MAP3K20: variants seen among roughly 807,000 people sequenced by gnomAD.
The protein encoded by MAP3K20 is mitogen-activated protein kinase kinase kinase 20, also known as HCCS-4.
In MAP3K20, 40 loss-of-function variants were observed where a neutral mutation model predicts 85.7. The ratio of observed to expected loss-of-function variants is 0.47; its 90% CI spans 0.36 to 0.61. The LOEUF (loss-of-function observed/expected upper bound fraction) is 0.61, where lower values mean the gene tolerates loss of function less well. Among genes scored for constraint, MAP3K20 ranks in the 20% least tolerant of loss-of-function variants. The pLI is 0.00. For synonymous variants in MAP3K20, 325 were observed against 327.7 expected (o/e 0.99, Z 0.09); for missense variants, 817 against 961.7 (o/e 0.85, Z 1.99).
chr2:173,262,016 T>C (rs1672922579), intron 18 of MAP3K20, among the ~76,000 whole-genome samples: 2 of 136,192 alleles, frequency 1.5e-5, no homozygotes, highest in South Asian at 2.5e-4. Context: ...GACCCCTGTC[T>C]CCAGAAAAAA....
rs142542844 is a variant in MAP3K20 at position 173,134,931 on chromosome 2, G to A, written c.160-34874G>A. ...ATGTTGAAATCCCTAGCTCAGCCAC[G>A]TGACTAGCTTAGTCCTCAGGCAAGT... is the stretch of plus-strand genomic sequence containing the variant. On this transcript the variant is annotated intron_variant, in intron 2 of 19. Transcript: ENST00000375213. 1.4e-3 allele frequency among the ~76,000 whole-genome samples: 219 copies of A among 152,276 alleles called. 1 individual carries two copies. The highest frequency in any genetic ancestry group is 4.5e-3 in the African/African-American group (188 of 41,572).
chr2:173,190,418 G>A (rs531210409), intron 5 of MAP3K20, among the ~76,000 whole-genome samples: 6 of 152,266 alleles, frequency 3.9e-5, no homozygotes, highest in East Asian at 3.9e-4. Flanking sequence ...TATACATGGC[G>A]TTACCCACAG....
At chr2:173,192,248 T>A (rs1415424604) in intron 7 of MAP3K20, among the ~76,000 whole-genome samples, 1 of 152,196 alleles carries the variant, frequency 6.6e-6, no homozygotes, top group Non-Finnish European at 1.5e-5. Context: ...AAGAGGAGAT[T>A]CACGTTGTCA....
intron 2 of MAP3K20, among the ~76,000 whole-genome samples, chr2:173,127,951 A>G (rs1688491164): frequency 6.6e-6 from 1 of 152,200 alleles, no homozygotes; most frequent in Non-Finnish European, 1.5e-5. Context: ...CCAAAGTCAT[A>G]TAGTTAGTAA....
chr2:173,180,250 C>A (rs894575450), intron 3 of MAP3K20, among the ~76,000 whole-genome samples: 1 of 152,174 alleles, frequency 6.6e-6, no homozygotes, highest in Non-Finnish European at 1.5e-5. Context: ...ACAATATTGG[C>A]ACAATATCTA....
In MAP3K20 at chr2:173,218,094, A is replaced by G. The variant is rs1035600321; in HGVS notation, c.987+844A>G. Reference sequence around the variant, plus strand: ...AAGTAATGGTAGATTAAAAGTAAACATATATTTTAAATTCATTTTTGATAG... The same window carrying G: ...AAGTAATGGTAGATTAAAAGTAAACGTATATTTTAAATTCATTTTTGATAG... On this transcript the variant is annotated intron_variant, in intron 11 of 19. Transcript: ENST00000375213. 1.3e-5 allele frequency among the ~76,000 whole-genome samples: 2 copies of G among 152,218 alleles called. 1 individual carries two copies. The highest frequency in any genetic ancestry group is 4.8e-5 in the African/African-American group (2 of 41,476).
intron 8 of MAP3K20, among the ~76,000 whole-genome samples, chr2:173,203,285 G>A (rs1683552593): frequency 6.6e-6 from 1 of 152,112 alleles, no homozygotes; most frequent in African/African-American, 2.4e-5. Flanking sequence ...CCAAAACAAA[G>A]CCGTAATCAG....
intron 2 of MAP3K20, among the ~76,000 whole-genome samples, chr2:173,127,852 G>C (rs1688487949): frequency 6.6e-6 from 1 of 152,172 alleles, no homozygotes; most frequent in African/African-American, 2.4e-5. Flanking sequence ...ATTGGGCTGA[G>C]TGCCCTGTGT....
intron 2 of MAP3K20, among the ~76,000 whole-genome samples, chr2:173,124,099 C>T (rs920758557): frequency 6.6e-6 from 1 of 152,148 alleles, no homozygotes; most frequent in Non-Finnish European, 1.5e-5. Flanking sequence ...CCATGGATTA[C>T]CAGCATCCCA....
intron 10 of MAP3K20, chr2:173,210,121 G>A (rs1440043873): frequency 8.9e-6 from 3 of 338,508 alleles, no homozygotes; most frequent in South Asian, 2.8e-5. Flanking sequence ...GGAGGCCAAG[G>A]CAGGCAGATC....
intron 8 of MAP3K20, among the ~76,000 whole-genome samples, chr2:173,202,758 T>C (rs141420080): frequency 5.9e-4 from 89 of 151,920 alleles, no homozygotes; most frequent in African/African-American, 2.1e-3. Context: ...CCGGATGGAG[T>C]TGGGTTGTAT....
At chr2:173,079,890 CTT>C (rs1211064426) in intron 1 of MAP3K20, among the ~76,000 whole-genome samples, 15 of 140,124 alleles carry the variant, frequency 1.1e-4, no homozygotes, top group Admixed American at 2.9e-4. Context: ...AGTTAATTTT[CTT>C]TTTTTTTTTT....
chr2:173,188,552 T>C (rs1041846928), intron 5 of MAP3K20, among the ~76,000 whole-genome samples: 1 of 151,810 alleles, frequency 6.6e-6, no homozygotes, highest in Non-Finnish European at 1.5e-5. Flanking sequence ...AGGGAATGAA[T>C]CGATCAGGTA....
At chr2:173,087,347 G>A (rs931315418) in intron 1 of MAP3K20, among the ~76,000 whole-genome samples, 2 of 152,234 alleles carry the variant, frequency 1.3e-5, no homozygotes. Flanking sequence ...AGAGACACTA[G>A]CCTGTGTAGA....
chr2:173,224,247 G>T, intron 11 of MAP3K20: 3 of 985,224 alleles, frequency 3.0e-6, no homozygotes, highest in Non-Finnish European at 3.6e-6. Flanking sequence ...TCTGAAAAAG[G>T]CAAGGGGATC....
At chr2:173,108,145 A>C (rs13010297) in intron 2 of MAP3K20, among the ~76,000 whole-genome samples, 1 of 142,106 alleles carries the variant, frequency 7.0e-6, no homozygotes, top group Non-Finnish European at 1.5e-5. Flanking sequence ...TTTTTTTTTT[A>C]TTTTTTTTTG....
chr2:173,164,667 G>GA, intron 2 of MAP3K20, among the ~76,000 whole-genome samples: 1 of 152,090 alleles, frequency 6.6e-6, no homozygotes, highest in East Asian at 1.9e-4. Flanking sequence ...GGATTAGGTT[G>GA]AAAAAAAGTT....
intron 2 of MAP3K20, among the ~76,000 whole-genome samples, chr2:173,106,345 A>G (rs1687783080): frequency 1.3e-5 from 2 of 152,018 alleles, no homozygotes; most frequent in South Asian, 4.2e-4. Context: ...GTGTAGATAG[A>G]CTAGTGGAAC....
chr2:173,092,486 G>C (rs905246299), intron 2 of MAP3K20, among the ~76,000 whole-genome samples: 1 of 152,170 alleles, frequency 6.6e-6, no homozygotes, highest in Non-Finnish European at 1.5e-5. Flanking sequence ...TTGGGAAATA[G>C]AGCTTTGCGA....
Sources: allele counts gnomAD v4.1 joint callset (sites outside exome capture counted in the v4.1 genomes callset), GRCh38; gene constraint gnomAD v4.1.1; transcripts MANE v1.5; gene names NCBI Gene and HGNC (gene_info 2026-07-23, HGNC 2026-07-21).